SORCS1: variants seen among roughly 807,000 people sequenced by gnomAD.
SORCS1 encodes VPS10 domain-containing receptor SorCS1.
A neutral mutation model predicts 146.1 loss-of-function variants in SORCS1; 60 were observed. The ratio of observed to expected loss-of-function variants is 0.41; its 90% CI spans 0.33 to 0.51. The LOEUF is 0.51. SORCS1 is among the 20% of genes least tolerant of loss of function. The probability of loss-of-function intolerance (pLI) is 0.21; values close to 1 mark genes in which losing one functional copy is unlikely to be tolerated. For missense variants in SORCS1, 1,352 were observed against 1,487.6 expected (o/e 0.91, Z 1.50); for synonymous variants, 637 against 584.0 (o/e 1.09, Z -1.31).
chr10:106,631,186 G>A (rs1167691933), intron 18 of SORCS1, among the ~76,000 whole-genome samples: 3 of 152,204 alleles, frequency 2.0e-5, no homozygotes, highest in African/African-American at 7.2e-5. Context: ...TCTATGCCCA[G>A]CCAAGCATTG....
In SORCS1 at chr10:106,772,524, C is replaced by A. The variant is rs191674671; in HGVS notation, c.885+4010G>T. Among the ~76,000 whole-genome samples the A allele has an allele frequency of 3.3e-4, 50 of 152,048 alleles. 2 individuals carry two copies. The East Asian group carries it at 3.7e-3, about 11-fold the overall frequency. On this transcript the variant is annotated intron_variant, in intron 4 of 25. Transcript: ENST00000263054. Reference sequence around the variant, plus strand: ...TCTCTCTCTCCTCCCCTTATTGGTTCTGTTTCTTTGGAGAATCCTTAATAA... The same window carrying A: ...TCTCTCTCTCCTCCCCTTATTGGTTATGTTTCTTTGGAGAATCCTTAATAA...
At chr10:106,708,248 GT>G (rs1854678149) in intron 7 of SORCS1, among the ~76,000 whole-genome samples, 1 of 103,250 alleles carries the variant, frequency 9.7e-6, no homozygotes, top group Non-Finnish European at 1.7e-5. Context: ...AAGAAATGGT[GT>G]GTGTGTGTGT....
chr10:106,585,809 G>A (rs573425523), intron 24 of SORCS1, among the ~76,000 whole-genome samples: 103 of 152,282 alleles, frequency 6.8e-4, no homozygotes, highest in African/African-American at 2.2e-3. Context: ...TGCCATGTGT[G>A]AGCAAGACCA....
At chr10:106,844,879 A>T (rs1949251228) in intron 2 of SORCS1, among the ~76,000 whole-genome samples, 1 of 149,434 alleles carries the variant, frequency 6.7e-6, no homozygotes, top group Non-Finnish European at 1.5e-5. Context: ...ATGGTTTCCA[A>T]TTTCATCCAT....
At chr10:107,175,373 A>G in the SORCS1 span, among the ~76,000 whole-genome samples, 1 of 152,182 alleles carries the variant, frequency 6.6e-6, no homozygotes, top group Admixed American at 6.6e-5. Flanking sequence ...CACTGACATT[A>G]CTTGGATCTG....
At chr10:106,613,947 C>A (rs905652286) in intron 21 of SORCS1, among the ~76,000 whole-genome samples, 1 of 152,118 alleles carries the variant, frequency 6.6e-6, no homozygotes, top group Non-Finnish European at 1.5e-5. Context: ...CCCCGAGAGG[C>A]CTTTCCAACC....
At chr10:107,133,930 C>A (rs1967060399) in intron 1 of SORCS1, among the ~76,000 whole-genome samples, 1 of 152,206 alleles carries the variant, frequency 6.6e-6, no homozygotes, top group Non-Finnish European at 1.5e-5. Context: ...TGTCAAAAGA[C>A]TGCTGAACGA....
At chr10:106,882,253 C>T (rs1950831206) in intron 2 of SORCS1, among the ~76,000 whole-genome samples, 1 of 151,418 alleles carries the variant, frequency 6.6e-6, no homozygotes, top group South Asian at 2.1e-4. Context: ...AATACACTAA[C>T]ATTAATGATA....
intron 1 of SORCS1, among the ~76,000 whole-genome samples, chr10:107,097,260 A>G (rs1232693438): frequency 6.6e-6 from 1 of 152,238 alleles, no homozygotes; most frequent in Non-Finnish European, 1.5e-5. Flanking sequence ...AGAAATTAAA[A>G]AACACATTTT....
intron 2 of SORCS1, among the ~76,000 whole-genome samples, chr10:106,844,628 T>C (rs1433376728): frequency 1.3e-5 from 2 of 151,128 alleles, no homozygotes; most frequent in Non-Finnish European, 3.0e-5. Flanking sequence ...ATGTGCACAT[T>C]GTGCAGGTTA....
intron 2 of SORCS1, among the ~76,000 whole-genome samples, chr10:106,905,813 G>A (rs555040144): frequency 1.1e-4 from 17 of 152,262 alleles, no homozygotes; most frequent in African/African-American, 4.1e-4. Context: ...AAATGTTATC[G>A]CATGTCTGCT....
intron 2 of SORCS1, among the ~76,000 whole-genome samples, chr10:106,899,906 T>C (rs1951636374): frequency 6.6e-6 from 1 of 151,980 alleles, no homozygotes; most frequent in African/African-American, 2.4e-5. Context: ...TTCCATCCTT[T>C]TGCACTCTTC....
intron 2 of SORCS1, among the ~76,000 whole-genome samples, chr10:106,942,577 C>A (rs114601401): frequency 6.6e-6 from 1 of 152,210 alleles, no homozygotes; most frequent in Non-Finnish European, 1.5e-5. Flanking sequence ...TCCCATCTCA[C>A]GTCCATCTCC....
chr10:106,861,494 A>G (rs1950014317), intron 2 of SORCS1, among the ~76,000 whole-genome samples: 2 of 152,146 alleles, frequency 1.3e-5, no homozygotes, highest in South Asian at 2.1e-4. Context: ...CCATCAAAAC[A>G]TACATATGCA....
At chr10:106,674,117 C>T (rs920989411) in intron 14 of SORCS1, among the ~76,000 whole-genome samples, 2 of 147,500 alleles carry the variant, frequency 1.4e-5, no homozygotes, top group Admixed American at 1.4e-4. Context: ...GAGATCGAGA[C>T]CATCCTGGCT....
chr10:106,890,661 A>C (rs1951193286), intron 2 of SORCS1, among the ~76,000 whole-genome samples: 1 of 152,180 alleles, frequency 6.6e-6, no homozygotes, highest in Non-Finnish European at 1.5e-5. Flanking sequence ...ACTCGTCTCA[A>C]TTCTTAAGTT....
At chr10:106,830,144 T>C (rs1564708146) in intron 2 of SORCS1, among the ~76,000 whole-genome samples, 2 of 152,332 alleles carry the variant, frequency 1.3e-5, no homozygotes, top group East Asian at 3.9e-4. Flanking sequence ...TCTTTTCTTA[T>C]TATTTAAGAG....
At chr10:107,046,675 A>T (rs1220407778) in intron 1 of SORCS1, among the ~76,000 whole-genome samples, 1 of 152,186 alleles carries the variant, frequency 6.6e-6, no homozygotes, top group Non-Finnish European at 1.5e-5. Context: ...ACAGGAGGCA[A>T]AGAATCTGAA....
intron 2 of SORCS1, among the ~76,000 whole-genome samples, chr10:106,907,031 T>A (rs940282822): frequency 6.6e-6 from 1 of 152,220 alleles, no homozygotes; most frequent in African/African-American, 2.4e-5. Flanking sequence ...TGAAAAAGAA[T>A]GATAATACTC....
Sources: allele counts gnomAD v4.1 joint callset (sites outside exome capture counted in the v4.1 genomes callset), GRCh38; gene constraint gnomAD v4.1.1; transcripts MANE v1.5; gene names NCBI Gene and HGNC (gene_info 2026-07-23, HGNC 2026-07-21).